The following VDAC3 variants were observed in gnomAD, a reference collection of about 807,000 sequenced individuals.
The protein encoded by VDAC3 is voltage dependent anion channel 3, also known as non-selective voltage-gated ion channel VDAC3.
Under a neutral mutation model 33.9 loss-of-function variants are expected in VDAC3, and 7 were observed. The observed-to-expected ratio is 0.21, with a 90% CI of 0.12 to 0.39. The LOEUF is 0.39. VDAC3 is among the 10% of genes least tolerant of loss of function. The pLI, the probability that VDAC3 is intolerant of heterozygous loss-of-function variation, is 1.00. For synonymous variants in VDAC3, 100 were observed against 122.4 expected, an observed-to-expected ratio of 0.82 and a Z score of 1.21; for missense variants, 261 against 334.5, an observed-to-expected ratio of 0.78 and a Z score of 1.71.
chr8:42,398,830 A>G lies in VDAC3; in HGVS notation c.236A>G (p.Asn79Ser). The G allele has an allele frequency of 6.2e-7, 1 of 1,614,046 alleles. No homozygotes were observed. Among genetic ancestry groups the G allele is most frequent in the Non-Finnish European group, 8.5e-7 (1 of 1,179,994 alleles). The change falls in exon 5 of 10, where the codon AAT becomes AGT. Residue 79 changes from asparagine to serine, a missense_variant. By Grantham distance (46) the Asn-to-Ser change is conservative. Coordinates refer to ENST00000022615, the MANE Select transcript of VDAC3 (RefSeq NM_005662.7). Reference protein sequence around the residue: ...LTFTQKWNTDNTLGTEISWEN... With the variant: ...LTFTQKWNTDSTLGTEISWEN... The stretch of plus-strand genomic sequence containing the variant: ...TTCACCCAGAAATGGAACACAGACA[A>G]TACTCTAGGGACAGAAATCTCTTGG...
intron 5 of VDAC3, 114 bp downstream of exon 5, chr8:42,398,978 T>A: frequency 7.9e-7 from 1 of 1,270,510 alleles, no homozygotes; most frequent in Non-Finnish European, 1.1e-6. Flanking sequence ...GTAGCCATAT[T>A]TTTTCTCTGC....
At chr8:42,392,749 CTT>C (rs776929621) in intron 1 of VDAC3, among the ~76,000 whole-genome samples, 3 of 152,174 alleles carry the variant, frequency 2.0e-5, no homozygotes, top group Non-Finnish European at 4.4e-5. Context: ...TTAAGTGTAT[CTT>C]TTCTCGGCAG....
intron 6 of VDAC3, among the ~76,000 whole-genome samples, chr8:42,401,139 CT>C (rs1802408696): frequency 6.6e-6 from 1 of 152,166 alleles, no homozygotes; most frequent in Non-Finnish European, 1.5e-5. Context: ...GATTTGGCTT[CT>C]TGTACGTCTG....
At chr8:42,392,127 G>T (rs1354440783) in intron 1 of VDAC3, among the ~76,000 whole-genome samples, 199 bp downstream of exon 1, 1 of 152,188 alleles carries the variant, frequency 6.6e-6, no homozygotes, top group African/African-American at 2.4e-5. Context: ...AGCACGGCGG[G>T]GCAAGTGGCC....
intron 3 of VDAC3, 75 bp downstream of exon 3, chr8:42,394,353 T>G (rs944890349): frequency 8.1e-5 from 103 of 1,272,966 alleles, no homozygotes; most frequent in Non-Finnish European, 1.1e-4. Flanking sequence ...AAATACTGTG[T>G]TAGTAAAATA....
rs531236326 is a variant in VDAC3 at position 42,393,055 on chromosome 8, C to T, written c.-42-790C>T. Among the ~76,000 whole-genome samples the T allele has an allele frequency of 9.2e-5, 14 of 152,198 alleles. No individual in the cohort carries two copies. The East Asian group carries it at 2.7e-3, about 29-fold the overall frequency. Reference sequence around the variant, plus strand: ...GAATGAGTCAGTACATTTATACTACCGTTTCCTCTTTAATTTTTTTTTCTT... The same window carrying T: ...GAATGAGTCAGTACATTTATACTACTGTTTCCTCTTTAATTTTTTTTTCTT... On this transcript the variant is annotated intron_variant, in intron 1 of 9. Transcript: ENST00000022615.
intron 8 of VDAC3, 97 bp downstream of exon 8, chr8:42,403,558 A>G: frequency 7.8e-7 from 1 of 1,278,672 alleles, no homozygotes; most frequent in Non-Finnish European, 1.1e-6. Flanking sequence ...TTCTTTATTA[A>G]TTTTAATAAG....
chr8:42,405,008 G>T, intron 9 of VDAC3, 84 bp downstream of exon 9: 1 of 1,237,960 alleles, frequency 8.1e-7, no homozygotes, highest in Non-Finnish European at 1.2e-6. Flanking sequence ...ACAACCTGTA[G>T]TCACTGTAAG....
At chr8:42,404,087 A>G (rs1802462012) in intron 8 of VDAC3, among the ~76,000 whole-genome samples, 1 of 152,116 alleles carries the variant, frequency 6.6e-6, no homozygotes, top group Non-Finnish European at 1.5e-5. Flanking sequence ...AATTTCATGT[A>G]CTGTGCTAAG....
chr8:42,394,954 C>A (rs532461568), intron 3 of VDAC3, 130 bp from the exon 4 acceptor site: 3 of 991,656 alleles, frequency 3.0e-6, no homozygotes, highest in Non-Finnish European at 4.5e-6. Context: ...GAGGAACTCT[C>A]ACCCAATGAA....
Position 42,399,496 on chromosome 8 carries a change from G to A in VDAC3, c.271-155G>A, listed in dbSNP as rs539494024. 12 of 565,696 alleles carry A rather than the reference G, an allele frequency of 2.1e-5. No individual in the cohort carries two copies. In the South Asian group the frequency reaches 2.3e-4, roughly 11 times the overall value. The allele number at this position is 565,696 out of a possible 1,614,324, so 35.0% of individuals were successfully genotyped here. A position where few individuals can be genotyped will look rare whatever the true frequency, so the allele number is the denominator to read the frequency against. On this transcript the variant is annotated intron_variant, in intron 5 of 9. Transcript: ENST00000022615. ...GAAGGCTGGGGTGAGGGGACAGGAGGATGGAGAGCTTACTTATTACATAAT... is the reference window on the plus strand; with the variant it reads ...GAAGGCTGGGGTGAGGGGACAGGAGAATGGAGAGCTTACTTATTACATAAT...
rs150041962 is a variant in VDAC3 at position 42,401,874 on chromosome 8, C to T, written c.410C>T (p.Thr137Ile). The T allele has an allele frequency of 1.9e-6, 3 of 1,614,244 alleles. No homozygotes were observed. The Admixed American group carries it at 5.0e-5, about 27-fold the overall frequency. ...GTTGATATAGATTTTTCTGGACCAACCATCTATGGCTGGGCTGTGTTGGCC... is the reference window on the plus strand; with the variant it reads ...GTTGATATAGATTTTTCTGGACCAATCATCTATGGCTGGGCTGTGTTGGCC... ...SNVDIDFSGP[T>I]IYGWAVLAFE... Residue 137 changes from threonine to isoleucine, a missense_variant, in exon 7 of 10, where the codon ACC (threonine) becomes ATC (isoleucine). Physicochemically the swap from Thr to Ile is moderately conservative, Grantham distance 89 (BLOSUM62 -1). Coordinates refer to ENST00000022615, the MANE Select transcript of VDAC3 (RefSeq NM_005662.7).
intron 7 of VDAC3, among the ~76,000 whole-genome samples, chr8:42,402,567 A>C (rs1195507677): frequency 6.6e-6 from 1 of 152,188 alleles, no homozygotes; most frequent in Non-Finnish European, 1.5e-5. Context: ...TGGTGGGATG[A>C]ATCAGAACTT....
At chr8:42,394,114 T>C (rs1220238179) in intron 2 of VDAC3, 96 bp from the exon 3 acceptor site, 3 of 1,073,030 alleles carry the variant, frequency 2.8e-6, no homozygotes, top group Non-Finnish European at 4.3e-6. Context: ...GAGAAAACTG[T>C]ATACCCCTTC....
chr8:42,400,411 G>A (rs1802396775), intron 6 of VDAC3, among the ~76,000 whole-genome samples: 1 of 151,418 alleles, frequency 6.6e-6, no homozygotes, highest in South Asian at 2.1e-4. Flanking sequence ...TTAAGAAGGT[G>A]ATCTGGCTCT....
intron 1 of VDAC3, 89 bp from the exon 2 acceptor site, chr8:42,393,756 A>G: frequency 2.5e-6 from 1 of 401,960 alleles, no homozygotes. Context: ...TTAAGAACTG[A>G]ATTTCAGAGG....
intron 8 of VDAC3, among the ~76,000 whole-genome samples, chr8:42,404,147 G>A (rs914369212): frequency 6.6e-6 from 1 of 152,140 alleles, no homozygotes; most frequent in African/African-American, 2.4e-5. Context: ...TCCATGTGGC[G>A]ATTAGTGTTA....
rs748617160 is a variant in VDAC3 at position 42,398,742 on chromosome 8, G to C, written c.148G>C (p.Asp50His). The change falls in exon 5 of 10, where the codon GAT becomes CAT. Residue 50 changes from aspartate to histidine, a missense_variant. By Grantham distance (81) the Asp-to-His change is moderately conservative. Coordinates refer to ENST00000022615, the MANE Select transcript of VDAC3 (RefSeq NM_005662.7). ...TTCTACTTCTGGTCATGCTTACACTGATACAGGGAAAGCATCAGGCAACCT... is the reference window on the plus strand; with the variant it reads ...TTCTACTTCTGGTCATGCTTACACTCATACAGGGAAAGCATCAGGCAACCT... ...EFSTSGHAYT[D>H]TGKASGNLET... 1.2e-6 allele frequency: 2 copies of C among 1,613,844 alleles called. No homozygotes were observed. Among genetic ancestry groups the C allele is most frequent in the Non-Finnish European group, 1.7e-6 (2 of 1,179,974 alleles).
At chr8:42,401,099 T>C (rs1181113561) in intron 6 of VDAC3, among the ~76,000 whole-genome samples, 1 of 152,250 alleles carries the variant, frequency 6.6e-6, no homozygotes, top group Non-Finnish European at 1.5e-5. Context: ...TAATTCTTTG[T>C]GGCATTTGGC....
Sources: gnomAD v4.1 joint callset for allele counts (sites outside exome capture counted in the v4.1 genomes callset) on GRCh38, gnomAD v4.1.1 for gene constraint, MANE v1.5 for transcripts, NCBI Gene and HGNC (gene_info 2026-07-23, HGNC 2026-07-21) for gene names.